The following PDE3B variants were observed in gnomAD, a reference collection of about 807,000 sequenced individuals.
The protein encoded by PDE3B is cGMP-inhibited 3',5'-cyclic phosphodiesterase 3B.
PDE3B carries 66 observed loss-of-function variants against 116.8 expected under a neutral mutation model. The ratio of observed to expected loss-of-function variants is 0.56; its 90% CI spans 0.46 to 0.69. PDE3B has a LOEUF of 0.69. Ranked by LOEUF, PDE3B falls within the 30% of genes least tolerant of loss-of-function variation. PDE3B has a pLI of 0.00. For missense variants in PDE3B, 1,384 were observed against 1,368.1 expected, an observed-to-expected ratio of 1.01 and a Z score of -0.18; for synonymous variants, 595 against 533.6, an observed-to-expected ratio of 1.12 and a Z score of -1.59.
Position 14,644,203 on chromosome 11 carries a change from C to T in PDE3B, c.128C>T (p.Pro43Leu), listed in dbSNP as rs140813490. The T allele has an allele frequency of 2.3e-4, 365 of 1,595,558 alleles. No individual in the cohort carries two copies. Among genetic ancestry groups the T allele is most frequent in the African/African-American group, 1.9e-3 (144 of 74,188 alleles). ...KSCVSPLRQD[P>L]PRGFFFHLCR... is the part of the protein sequence containing the mutation. ...TGCGTGAGCCCCTTGCGGCAGGACC[C>T]TCCGCGCGGCTTCTTCTTCCACCTC... is the stretch of plus-strand genomic sequence containing the variant. Residue 43 changes from proline to leucine, a missense_variant, in exon 1 of 16, where the codon CCT (proline) becomes CTT (leucine). Physicochemically the swap from Pro to Leu is moderately conservative, Grantham distance 98 (BLOSUM62 -3). Transcript: ENST00000282096.
At chr11:14,886,654 C>G in the PDE3B span, 1 of 152,294 alleles carries the variant, frequency 6.6e-6, no homozygotes, top group African/African-American at 2.4e-5. Flanking sequence ...TCTAGTTAAC[C>G]CAATATAAGA....
chr11:14,748,919 C>T (rs1476305734), intron 1 of PDE3B, among the ~76,000 whole-genome samples: 6 of 137,078 alleles, frequency 4.4e-5, no homozygotes, highest in Middle Eastern at 3.9e-3. Flanking sequence ...GACAGAGTTT[C>T]GCTCTTTTGC....
intron 1 of PDE3B, among the ~76,000 whole-genome samples, chr11:14,684,649 A>G (rs1458561117): frequency 6.6e-6 from 1 of 152,194 alleles, no homozygotes; most frequent in Admixed American, 6.5e-5. Context: ...GTAGGGAACC[A>G]GGGCATATTT....
intron 2 of PDE3B, chr11:14,776,323 T>G (rs1857783855): frequency 6.6e-6 from 1 of 152,254 alleles, no homozygotes; most frequent in Non-Finnish European, 1.5e-5. Context: ...CCTTCCCCAC[T>G]GACAGACACT....
chr11:14,765,186 G>A (rs1344787508), intron 1 of PDE3B, among the ~76,000 whole-genome samples: 1 of 151,880 alleles, frequency 6.6e-6, no homozygotes, highest in Non-Finnish European at 1.5e-5. Context: ...GGAGAATATA[G>A]GATGCTGTAA....
rs375080585 is a variant in PDE3B at position 14,746,200 on chromosome 11, C to A, written c.979-25737C>A. Among the ~76,000 whole-genome samples, 359 of 152,276 alleles carry A rather than the reference C, an allele frequency of 2.4e-3. 1 individual carries two copies. The highest frequency in any genetic ancestry group is 8.1e-3 in the African/African-American group (337 of 41,560). ...CTTAAGGTCAGGAGTTCGTGACCAG[C>A]CTGGCCAACATGGTGAAACCCTGTC... On this transcript the variant is annotated intron_variant, in intron 1 of 15. Transcript: ENST00000282096.
chr11:14,891,934 G>C, the PDE3B span: 1 of 1,594,620 alleles, frequency 6.3e-7, no homozygotes. Context: ...TGGCCAGCCC[G>C]GGCCAGCCTG....
At chr11:14,829,920 T>C (rs1259763935) in intron 7 of PDE3B, among the ~76,000 whole-genome samples, 1 of 152,158 alleles carries the variant, frequency 6.6e-6, no homozygotes, top group Admixed American at 6.6e-5. Flanking sequence ...TCCAATCATA[T>C]GCCCCAAAGA....
intron 1 of PDE3B, among the ~76,000 whole-genome samples, chr11:14,673,167 TAAA>T (rs955553260): frequency 2.1e-5 from 3 of 139,868 alleles, no homozygotes; most frequent in African/African-American, 5.2e-5. Flanking sequence ...TTAAGCACCA[TAAA>T]AAAAAAAAGC....
intron 5 of PDE3B, among the ~76,000 whole-genome samples, chr11:14,811,994 A>G (rs1428809250): frequency 6.6e-6 from 1 of 152,098 alleles, no homozygotes; most frequent in Non-Finnish European, 1.5e-5. Flanking sequence ...TTGATTTTGT[A>G]TCCTGAGACT....
intron 2 of PDE3B, among the ~76,000 whole-genome samples, chr11:14,784,923 C>T (rs1208172801): frequency 6.6e-6 from 1 of 152,010 alleles, no homozygotes; most frequent in Non-Finnish European, 1.5e-5. Flanking sequence ...GGAAAGGTTA[C>T]TTGCAAACAA....
intron 1 of PDE3B, among the ~76,000 whole-genome samples, chr11:14,723,199 C>G (rs1282296069): frequency 6.6e-6 from 1 of 152,150 alleles, no homozygotes; most frequent in Non-Finnish European, 1.5e-5. Flanking sequence ...AAAACCAAAT[C>G]ACTTTGACTC....
At chr11:14,762,926 A>G (rs1458154457) in intron 1 of PDE3B, among the ~76,000 whole-genome samples, 1 of 152,208 alleles carries the variant, frequency 6.6e-6, no homozygotes, top group African/African-American at 2.4e-5. Flanking sequence ...AGTTTTGGAC[A>G]TGTTAAGTTC....
At chr11:14,887,971 C>T in the PDE3B span, among the ~76,000 whole-genome samples, 2 of 152,184 alleles carry the variant, frequency 1.3e-5, no homozygotes, top group African/African-American at 4.8e-5. Flanking sequence ...TAATTCTCAA[C>T]GTGGCATTCT....
intron 7 of PDE3B, among the ~76,000 whole-genome samples, chr11:14,823,455 G>A (rs867602722): frequency 2.6e-5 from 4 of 152,042 alleles, no homozygotes; most frequent in African/African-American, 9.7e-5. Context: ...TTTGGGATTT[G>A]GAGAGTCCAA....
chr11:14,759,436 A>G (rs1478509759), intron 1 of PDE3B, among the ~76,000 whole-genome samples: 1 of 152,040 alleles, frequency 6.6e-6, no homozygotes, highest in Non-Finnish European at 1.5e-5. Context: ...TCCTTTTTAC[A>G]CTGACATCTG....
At chr11:14,829,576 T>C (rs890730887) in intron 7 of PDE3B, among the ~76,000 whole-genome samples, 20 of 152,122 alleles carry the variant, frequency 1.3e-4, no homozygotes, top group African/African-American at 4.8e-4. Flanking sequence ...TGGATGGAGC[T>C]GGAGTCAAAC....
At chr11:14,664,083 A>T (rs1000228820) in intron 1 of PDE3B, among the ~76,000 whole-genome samples, 3 of 152,238 alleles carry the variant, frequency 2.0e-5, no homozygotes, top group African/African-American at 7.2e-5. Context: ...ACCACAGTGC[A>T]ATCAAACTAG....
chr11:14,681,219 A>G (rs560431929), intron 1 of PDE3B, among the ~76,000 whole-genome samples: 1 of 152,346 alleles, frequency 6.6e-6, no homozygotes, highest in Admixed American at 6.5e-5. Flanking sequence ...TTATCTAGAC[A>G]TAACCTCATT....
Sources: gnomAD v4.1 joint callset for allele counts (sites outside exome capture counted in the v4.1 genomes callset) on GRCh38, gnomAD v4.1.1 for gene constraint, MANE v1.5 for transcripts, NCBI Gene and HGNC (gene_info 2026-07-23, HGNC 2026-07-21) for gene names.